Variants in NKAIN3 observed in about 807,000 individuals in gnomAD.
The protein encoded by NKAIN3 is sodium/potassium-transporting ATPase subunit beta-1-interacting protein 3.
NKAIN3 carries 25 observed loss-of-function variants against 30.2 expected under a neutral mutation model. The ratio of observed to expected loss-of-function variants is 0.83; its 90% CI spans 0.60 to 1.16. The LOEUF is 1.16. Among genes scored for constraint, NKAIN3 ranks in the 50% most tolerant of loss-of-function variants. The probability of loss-of-function intolerance (pLI) is 0.00; values close to 1 mark genes in which losing one functional copy is unlikely to be tolerated. For missense variants in NKAIN3, 225 were observed against 254.1 expected, an observed-to-expected ratio of 0.89 and a Z score of 0.78; for synonymous variants, 91 against 89.6, an observed-to-expected ratio of 1.02 and a Z score of -0.09.
At chr8:62,485,022 C>A (rs994799606) in intron 1 of NKAIN3, among the ~76,000 whole-genome samples, 3 of 152,210 alleles carry the variant, frequency 2.0e-5, no homozygotes, top group Non-Finnish European at 4.4e-5. Context: ...ATTACTATTT[C>A]TGTTGATTCA....
At chr8:62,596,542 A>G (rs1000104648) in intron 3 of NKAIN3, among the ~76,000 whole-genome samples, 1 of 151,920 alleles carries the variant, frequency 6.6e-6, no homozygotes, top group African/African-American at 2.4e-5. Flanking sequence ...GGCATGGAGG[A>G]CGATGTAAGC....
chr8:62,278,675 A>G (rs1390676417), intron 1 of NKAIN3, among the ~76,000 whole-genome samples: 1 of 152,142 alleles, frequency 6.6e-6, no homozygotes, highest in Non-Finnish European at 1.5e-5. Flanking sequence ...GATAGTTTCC[A>G]GCTTCATCCA....
chr8:62,780,101 G>A (rs189389669), intron 4 of NKAIN3, among the ~76,000 whole-genome samples: 1 of 152,098 alleles, frequency 6.6e-6, no homozygotes, highest in Non-Finnish European at 1.5e-5. Context: ...AATCAGAATT[G>A]AGGAGATATT....
chr8:62,530,671 T>A (rs1330051551), intron 1 of NKAIN3, among the ~76,000 whole-genome samples: 1 of 152,036 alleles, frequency 6.6e-6, no homozygotes. Flanking sequence ...GGAGTTTTGA[T>A]CTTGTTGCCC....
intron 1 of NKAIN3, among the ~76,000 whole-genome samples, chr8:62,312,222 A>C (rs1326682706): frequency 6.6e-6 from 1 of 150,806 alleles, no homozygotes; most frequent in African/African-American, 2.5e-5. Flanking sequence ...GGATACTTTT[A>C]AAAGAGTTAT....
chr8:62,446,997 A>G (rs1431639949), intron 1 of NKAIN3, among the ~76,000 whole-genome samples: 2 of 152,098 alleles, frequency 1.3e-5, no homozygotes, highest in African/African-American at 2.4e-5. Context: ...AGACAAACTA[A>G]TAAGACATTA....
Position 62,767,206 on chromosome 8 carries a change from A to T in NKAIN3, c.471+20077A>T, listed in dbSNP as rs1045431200. On this transcript the variant is annotated intron_variant, in intron 4 of 6. Coordinates refer to ENST00000623646, the MANE Select transcript of NKAIN3 (RefSeq NM_001304533.3). ...TCCTCCAGGCTCTGGATTGGACATG[A>T]GACACAGGAATTGTCAGTCAGCATA... is the stretch of plus-strand genomic sequence containing the variant. 3.3e-5 allele frequency among the ~76,000 whole-genome samples: 5 copies of T among 152,194 alleles called. No homozygotes were observed. The South Asian group carries it at 1.0e-3, about 32-fold the overall frequency.
chr8:62,960,389 G>A (rs1823536514), intron 6 of NKAIN3, among the ~76,000 whole-genome samples: 2 of 152,026 alleles, frequency 1.3e-5, no homozygotes, highest in Admixed American at 1.3e-4. Flanking sequence ...TCTGAACAGT[G>A]TCCTCCAGGG....
chr8:62,613,676 T>G (rs1811358922), intron 3 of NKAIN3, among the ~76,000 whole-genome samples: 1 of 152,130 alleles, frequency 6.6e-6, no homozygotes, highest in Non-Finnish European at 1.5e-5. Flanking sequence ...GAGGCCATTT[T>G]CTAGATTGTT....
rs548669577 is a variant in NKAIN3, at chr8:62,917,176, C to T, written c.472-1277C>T. 7.2e-4 allele frequency among the ~76,000 whole-genome samples: 110 copies of T among 152,264 alleles called. 1 individual carries two copies. The highest frequency in any genetic ancestry group is 2.6e-3 in the African/African-American group (106 of 41,532). On this transcript the variant is annotated intron_variant, in intron 4 of 6. Transcript: ENST00000623646. Reference sequence around the variant, plus strand: ...CACACACATCCTGCCCTGCCAATTCCACCCAGTCCTGTCTCCACACACTGT... The same window carrying T: ...CACACACATCCTGCCCTGCCAATTCTACCCAGTCCTGTCTCCACACACTGT...
chr8:62,604,580 T>C (rs934066774), intron 3 of NKAIN3, among the ~76,000 whole-genome samples: 1 of 152,152 alleles, frequency 6.6e-6, no homozygotes, highest in African/African-American at 2.4e-5. Context: ...TTCTACTTTA[T>C]TCTTGTAGGA....
chr8:62,259,456 T>C (rs1460549880), intron 1 of NKAIN3, among the ~76,000 whole-genome samples: 1 of 152,172 alleles, frequency 6.6e-6, no homozygotes, highest in African/African-American at 2.4e-5. Context: ...CTAATTAGTG[T>C]TAATGTGTGT....
chr8:62,416,766 G>A (rs535569180), intron 1 of NKAIN3, among the ~76,000 whole-genome samples: 195 of 152,066 alleles, frequency 1.3e-3, no homozygotes, highest in African/African-American at 4.6e-3. Flanking sequence ...AGACTGGGGC[G>A]GGCAGATCTC....
intron 1 of NKAIN3, among the ~76,000 whole-genome samples, chr8:62,329,654 T>G (rs1218604401): frequency 1.3e-5 from 2 of 152,166 alleles, no homozygotes; most frequent in Non-Finnish European, 2.9e-5. Flanking sequence ...TCAGTGGTAC[T>G]GCAAAGGGCA....
chr8:62,695,211 C>T (rs1043155281), intron 3 of NKAIN3, among the ~76,000 whole-genome samples: 9 of 152,160 alleles, frequency 5.9e-5, no homozygotes, highest in African/African-American at 2.2e-4. Context: ...TTGTGCCAAA[C>T]TTAATTGCAA....
At chr8:62,338,300 A>G (rs530449240) in intron 1 of NKAIN3, among the ~76,000 whole-genome samples, 5 of 152,140 alleles carry the variant, frequency 3.3e-5, no homozygotes, top group East Asian at 1.9e-4. Context: ...AAAATAAATT[A>G]TACTATACCA....
chr8:62,941,578 T>C (rs1230576462), intron 5 of NKAIN3, among the ~76,000 whole-genome samples: 1 of 152,182 alleles, frequency 6.6e-6, no homozygotes, highest in Non-Finnish European at 1.5e-5. Context: ...GTGGGTTTCA[T>C]ACCAGGGACA....
intron 4 of NKAIN3, among the ~76,000 whole-genome samples, chr8:62,870,668 GATATCTAT>G (rs1158470509): frequency 9.9e-6 from 1 of 100,992 alleles, no homozygotes; most frequent in Non-Finnish European, 1.9e-5. Flanking sequence ...GATATATATA[GATATCTAT>G]ATATCTATAT....
intron 5 of NKAIN3, among the ~76,000 whole-genome samples, chr8:62,940,115 A>G (rs1419226965): frequency 2.0e-5 from 3 of 150,992 alleles, no homozygotes; most frequent in Non-Finnish European, 4.4e-5. Flanking sequence ...AGCTATTTTT[A>G]TATCAGACAA....
Sources: gnomAD v4.1 joint callset for allele counts (sites outside exome capture counted in the v4.1 genomes callset) on GRCh38, gnomAD v4.1.1 for gene constraint, MANE v1.5 for transcripts, NCBI Gene and HGNC (gene_info 2026-07-23, HGNC 2026-07-21) for gene names.